The following SLC12A8 variants were observed in gnomAD, a reference collection of about 807,000 sequenced individuals.
SLC12A8 encodes the protein cation-chloride cotransporter 9.
SLC12A8 carries 69 observed loss-of-function variants against 75.6 expected under a neutral mutation model. The ratio of observed to expected loss-of-function variants is 0.91; its 90% CI spans 0.75 to 1.11. The LOEUF (loss-of-function observed/expected upper bound fraction) is 1.11. Ranked by LOEUF, SLC12A8 falls within the 50% of genes most tolerant of loss-of-function variation. SLC12A8 has a pLI of 0.00. For synonymous variants in SLC12A8, 365 were observed against 372.8 expected (o/e 0.98, Z 0.24); for missense variants, 877 against 896.7 (o/e 0.98, Z 0.28).
intron 5 of SLC12A8, among the ~76,000 whole-genome samples, chr3:125,145,521 C>T (rs988779923): frequency 6.6e-6 from 1 of 152,124 alleles, no homozygotes; most frequent in South Asian, 2.1e-4. Context: ...CTTTGAAGAC[C>T]TCATGCTAAG....
chr3:125,152,369 G>T (rs970519140), intron 5 of SLC12A8, among the ~76,000 whole-genome samples: 1 of 152,158 alleles, frequency 6.6e-6, no homozygotes, highest in African/African-American at 2.4e-5. Flanking sequence ...TTAAAATGGT[G>T]CTCATTCGGT....
At chr3:125,194,776 G>A (rs1406178612) in intron 2 of SLC12A8, among the ~76,000 whole-genome samples, 3 of 152,250 alleles carry the variant, frequency 2.0e-5, no homozygotes, top group African/African-American at 7.2e-5. Flanking sequence ...CACCTGCAGA[G>A]ACTGGTTCCA....
intron 4 of SLC12A8, among the ~76,000 whole-genome samples, chr3:125,183,328 A>G (rs1934705781): frequency 6.6e-6 from 1 of 152,076 alleles, no homozygotes; most frequent in Non-Finnish European, 1.5e-5. Flanking sequence ...TTTCTTTTTC[A>G]TTCTCCACAG....
At chr3:125,096,351 C>T (rs973282422) in intron 10 of SLC12A8, among the ~76,000 whole-genome samples, 47 of 152,214 alleles carry the variant, frequency 3.1e-4, no homozygotes, top group African/African-American at 1.1e-3. Context: ...CACTTACTGA[C>T]ATCACAGTAT....
rs1335199394 is a variant in SLC12A8, at chr3:125,118,856, C to G, written c.825G>C (p.Ser275=). The G allele has an allele frequency of 6.2e-7, 1 of 1,610,266 alleles. No individual in the cohort carries two copies. Among genetic ancestry groups the G allele is most frequent in the Non-Finnish European group, 8.5e-7 (1 of 1,176,688 alleles). The change falls in exon 8 of 14, where the codon TCG becomes TCC. Residue 275 remains serine, a splice_region_variant and synonymous_variant. Coordinates refer to ENST00000469902, the MANE Select transcript of SLC12A8 (RefSeq NM_024628.6). ...PLGSLAAVGI[S]WFLYIIFVFL... is the part of the protein sequence containing the mutation. ...AGACGAAGATGATGTACAGAAACCA[C>G]CTGCAAAACCCAAGAGCAGAACAGA...
chr3:125,137,958 C>CA (rs1491240896), intron 5 of SLC12A8, among the ~76,000 whole-genome samples: 1 of 151,846 alleles, frequency 6.6e-6, no homozygotes, highest in African/African-American at 2.4e-5. Flanking sequence ...CGCTCACACT[C>CA]ACACGCTCAC....
At chr3:125,114,523 C>G (rs1939260393) in intron 8 of SLC12A8, among the ~76,000 whole-genome samples, 1 of 152,188 alleles carries the variant, frequency 6.6e-6, no homozygotes, top group Non-Finnish European at 1.5e-5. Context: ...CTCCTGGGTT[C>G]TAGCGATTCT....
chr3:125,085,379 G>C (rs1319223140), intron 13 of SLC12A8, among the ~76,000 whole-genome samples: 1 of 152,138 alleles, frequency 6.6e-6, no homozygotes, highest in Non-Finnish European at 1.5e-5. Flanking sequence ...TCAATGACAG[G>C]CTCAACTTCA....
At chr3:125,087,065 T>C (rs1444525157) in intron 13 of SLC12A8, among the ~76,000 whole-genome samples, 2 of 151,708 alleles carry the variant, frequency 1.3e-5, no homozygotes, top group Admixed American at 1.3e-4. Flanking sequence ...ATGGCTAAGA[T>C]GGTACATCTC....
chr3:125,121,002 G>A (rs1933044965), intron 6 of SLC12A8: 4 of 650,202 alleles, frequency 6.2e-6, no homozygotes, highest in South Asian at 5.2e-5. Context: ...CAGAGGTCCT[G>A]CGCTGCCTGC....
chr3:125,211,224 T>G, intron 2 of SLC12A8, 75 bp downstream of exon 2: 2 of 1,215,656 alleles, frequency 1.6e-6, no homozygotes, highest in Non-Finnish European at 2.4e-6. Flanking sequence ...CTGTAATGTT[T>G]GCATCCAGCC....
At chr3:125,186,184 C>T (rs77332890) in intron 4 of SLC12A8, among the ~76,000 whole-genome samples, 2,737 of 152,234 alleles carry the variant, frequency 0.018, 85 homozygotes, top group African/African-American at 0.062. Context: ...TACCAAGTCC[C>T]CAGGGTAATA....
chr3:125,185,800 C>T lies in SLC12A8; in HGVS notation c.390+1437G>A, dbSNP rs539125110. Among the ~76,000 whole-genome samples the T allele has an allele frequency of 2.2e-4, 33 of 152,332 alleles. No homozygotes were observed. The South Asian group carries it at 5.8e-3, about 27-fold the overall frequency. On this transcript the variant is annotated intron_variant, in intron 4 of 13. Coordinates refer to ENST00000469902, the MANE Select transcript of SLC12A8 (RefSeq NM_024628.6). ...ATCAGGGACTCCTGGCCCGCGCCAG[C>T]GACAAACAAAGCACAGGCACTCCAG...
intron 5 of SLC12A8, among the ~76,000 whole-genome samples, chr3:125,147,461 G>A (rs1288733746): frequency 6.6e-6 from 1 of 152,194 alleles, no homozygotes; most frequent in African/African-American, 2.4e-5. Flanking sequence ...GCAAGCCGTT[G>A]TGTGCCTTTT....
At chr3:125,113,622 T>C (rs531987201) in intron 8 of SLC12A8, among the ~76,000 whole-genome samples, 4 of 152,330 alleles carry the variant, frequency 2.6e-5, no homozygotes, top group Admixed American at 2.6e-4. Flanking sequence ...TTGCTAAATG[T>C]GCCAGTGGAG....
intron 5 of SLC12A8, among the ~76,000 whole-genome samples, chr3:125,141,172 GGT>G (rs1293228180): frequency 8.8e-5 from 13 of 147,732 alleles, no homozygotes; most frequent in African/African-American, 3.2e-4. Context: ...AGGGGGGTGG[GGT>G]GGGGTGCGGG....
chr3:125,205,001 T>C (rs897849418), intron 2 of SLC12A8, among the ~76,000 whole-genome samples: 1 of 152,154 alleles, frequency 6.6e-6, no homozygotes, highest in African/African-American at 2.4e-5. Flanking sequence ...GCTGAGTCTA[T>C]ACCACCAAAG....
At chr3:125,200,543 T>A (rs1935100571) in intron 2 of SLC12A8, among the ~76,000 whole-genome samples, 2 of 152,242 alleles carry the variant, frequency 1.3e-5, no homozygotes, top group African/African-American at 4.8e-5. Flanking sequence ...GAATGGGTTT[T>A]TTGGCTGACC....
At chr3:125,152,984 G>T (rs953849373) in intron 5 of SLC12A8, among the ~76,000 whole-genome samples, 1 of 152,284 alleles carries the variant, frequency 6.6e-6, no homozygotes, top group Admixed American at 6.5e-5. Flanking sequence ...AGGCGGAACA[G>T]GTGTGTGTGC....
Sources: allele counts gnomAD v4.1 joint callset (sites outside exome capture counted in the v4.1 genomes callset), GRCh38; gene constraint gnomAD v4.1.1; transcripts MANE v1.5; gene names NCBI Gene and HGNC (gene_info 2026-07-23, HGNC 2026-07-21).